Variants in PIK3CD observed in about 807,000 individuals in gnomAD.
The protein encoded by PIK3CD is phosphatidylinositol 4,5-bisphosphate 3-kinase catalytic subunit delta isoform.
A neutral mutation model predicts 122.9 loss-of-function variants in PIK3CD; 20 were observed. The observed-to-expected ratio is 0.16, with a 90% CI of 0.11 to 0.24. PIK3CD has a LOEUF of 0.24. Among genes scored for constraint, PIK3CD ranks in the 10% least tolerant of loss-of-function variants. The pLI, the probability that PIK3CD is intolerant of heterozygous loss-of-function variation, is 1.00. For missense variants in PIK3CD, 787 were observed against 1,406.3 expected (o/e 0.56, Z 7.04); for synonymous variants, 596 against 593.4 (o/e 1.00, Z -0.06).
At chr1:9,645,048 C>T in the PIK3CD span, among the ~76,000 whole-genome samples, 17 of 119,208 alleles carry the variant, frequency 1.4e-4, no homozygotes, top group South Asian at 7.5e-4. Context: ...TTTTTTGAGA[C>T]GGAGTCTTGT....
chr1:9,710,656 C>A lies in PIK3CD; in HGVS notation c.141+60C>A. On this transcript the variant is annotated intron_variant, in intron 3 of 23. Transcript: ENST00000377346. This position sits in a 1 kb window ranked among gnomAD's most constrained non-coding sequence, Gnocchi z 4.7. ...TCAGAGAGAGAGAGAGAGAGAGAGA[C>A]ACAGATAGACAGACAGACAGACAGA... 1 of 1,335,474 alleles carries A rather than the reference C, an allele frequency of 7.5e-7. No homozygotes were observed. The highest frequency in any genetic ancestry group is 1.1e-6 in the Non-Finnish European group (1 of 943,650). The allele number at this position is 1,335,474 out of a possible 1,614,324, so 82.7% of individuals were successfully genotyped here. A position where few individuals can be genotyped will look rare whatever the true frequency, so the allele number is the denominator to read the frequency against.
intron 2 of PIK3CD, 182 bp downstream of exon 2, chr1:9,691,753 G>T (rs1646205117): frequency 7.8e-6 from 3 of 383,068 alleles, no homozygotes; most frequent in Admixed American, 4.5e-5. Context: ...GCGAATGAAT[G>T]GGGAAGTGAA....
chr1:9,655,691 T>C (rs866679711), intron 1 of PIK3CD, among the ~76,000 whole-genome samples: 537 of 142,314 alleles, frequency 3.8e-3, no homozygotes, highest in South Asian at 0.022. Context: ...TTCTTTCTTT[T>C]TTCTTCTTTT....
At chr1:9,671,753 C>G (rs779778153) in intron 1 of PIK3CD, among the ~76,000 whole-genome samples, 1 of 152,146 alleles carries the variant, frequency 6.6e-6, no homozygotes, top group Non-Finnish European at 1.5e-5. Context: ...GCCTTGTCAG[C>G]GTTTTCTAGC....
the PIK3CD span, among the ~76,000 whole-genome samples, chr1:9,634,830 T>C: frequency 1.3e-5 from 2 of 152,170 alleles, no homozygotes; most frequent in Non-Finnish European, 2.9e-5. Flanking sequence ...TTTTTTTGTT[T>C]TGAATAACAA....
rs12086971 is a variant in PIK3CD, at chr1:9,718,081, C to G, written c.1020+455C>G. ...CCTCCCTGTTGTCTCTTAACACTTT[C>G]ACACGCTCCATCGCAACAGCCTGCA... On this transcript the variant is annotated intron_variant, in intron 8 of 23. Coordinates refer to ENST00000377346, the MANE Select transcript of PIK3CD (RefSeq NM_005026.5). The surrounding 1 kb of genome is among the most constrained non-coding windows in gnomAD (Gnocchi z 7.2). The G allele has an allele frequency of 1.1e-3, 505 of 469,294 alleles. 2 individuals are homozygous for G. Among genetic ancestry groups the G allele is most frequent in the African/African-American group, 9.0e-3 (458 of 50,746 alleles). 29.1% of individuals were successfully genotyped at this position (469,294 alleles called of 1,614,324 possible). A position where few individuals can be genotyped will look rare whatever the true frequency, so the allele number is the denominator to read the frequency against.
chr1:9,709,579 C>T (rs747101589), intron 2 of PIK3CD, among the ~76,000 whole-genome samples: 1 of 151,914 alleles, frequency 6.6e-6, no homozygotes, highest in Non-Finnish European at 1.5e-5. Flanking sequence ...GTGGTGTGCA[C>T]CTGTAGGCCC....
rs997085808 is a variant in PIK3CD, at chr1:9,718,237, C to T, written c.1021-457C>T. 9 of 468,368 alleles carry T rather than the reference C, an allele frequency of 1.9e-5. No homozygotes were observed. The highest frequency in any genetic ancestry group is 3.7e-4 in the Middle Eastern group (1 of 2,722). The allele number at this position is 468,368 out of a possible 1,614,324, so 29.0% of individuals were successfully genotyped here. Reference sequence around the variant, plus strand: ...AGGTCTGGGTTCCACTGGCAGGAATCGAGGGGGACTGGATCAGAGGGACTT... The same window carrying T: ...AGGTCTGGGTTCCACTGGCAGGAATTGAGGGGGACTGGATCAGAGGGACTT... On this transcript the variant is annotated intron_variant, in intron 8 of 23. Transcript: ENST00000377346. The surrounding 1 kb of genome is among the most constrained non-coding windows in gnomAD (Gnocchi z 7.2).
intron 2 of PIK3CD, among the ~76,000 whole-genome samples, chr1:9,709,185 A>G (rs1646955661): frequency 6.6e-6 from 1 of 151,942 alleles, no homozygotes; most frequent in African/African-American, 2.4e-5. Flanking sequence ...ATGTGCCACC[A>G]TGCCCGGCTA....
Position 9,723,308 on chromosome 1 carries a change from A to AG in PIK3CD, c.2594+19dup. 6.2e-7 allele frequency: 1 copy of AG among 1,613,648 alleles called. No individual in the cohort carries two copies. Among genetic ancestry groups the AG allele is most frequent in the Non-Finnish European group, 8.5e-7 (1 of 1,179,822 alleles). On this transcript the variant is annotated intron_variant, in intron 20 of 23. Transcript: ENST00000377346. The surrounding 1 kb of genome is among the most constrained non-coding windows in gnomAD (Gnocchi z 4.9). ...AGAACCCGGGGTGGGTTTCAGGCCCAGGGATAGGTTCCCTCTCCTTTCCAA... is the reference window on the plus strand; with the variant it reads ...AGAACCCGGGGTGGGTTTCAGGCCCAGGGGATAGGTTCCCTCTCCTTTCCAA...
In PIK3CD at chr1:9,728,465, T is replaced by C. The variant is rs1650032627; in HGVS notation, c.*1419T>C. The C allele has an allele frequency of 6.6e-6, 1 of 152,296 alleles. No individual in the cohort carries two copies. The highest frequency in any genetic ancestry group is 1.5e-5 in the Non-Finnish European group (1 of 68,076). 9.4% of individuals were successfully genotyped at this position (152,296 alleles called of 1,614,324 possible). Reference sequence around the variant, plus strand: ...CATGGACTCAGGACCTGCCCGGTGATGCTGTTGATTTCTCAAAGGTCTTCC... The same window carrying C: ...CATGGACTCAGGACCTGCCCGGTGACGCTGTTGATTTCTCAAAGGTCTTCC... On this transcript the variant is annotated 3_prime_UTR_variant, in exon 24 of 24. Coordinates refer to ENST00000377346, the MANE Select transcript of PIK3CD (RefSeq NM_005026.5).
chr1:9,672,527 C>T (rs1030154269), intron 1 of PIK3CD: 2 of 152,236 alleles, frequency 1.3e-5, no homozygotes, highest in African/African-American at 4.8e-5. Context: ...CTCCTGAGCT[C>T]AAGTGATCCT....
chr1:9,640,425 C>T, the PIK3CD span, among the ~76,000 whole-genome samples: 4 of 151,686 alleles, frequency 2.6e-5, no homozygotes, highest in East Asian at 5.8e-4. Context: ...CCTAAAAATA[C>T]AAAAATTAGC....
chr1:9,654,383 A>C (rs1002649600), intron 1 of PIK3CD: 1 of 1,367,676 alleles, frequency 7.3e-7, no homozygotes, highest in Admixed American at 1.9e-5. Flanking sequence ...TCCTGAGATC[A>C]CACGGGGTGC....
intron 1 of PIK3CD, among the ~76,000 whole-genome samples, chr1:9,679,483 G>A (rs1478564275): frequency 6.6e-6 from 1 of 151,938 alleles, no homozygotes; most frequent in African/African-American, 2.4e-5. Flanking sequence ...CTCACCCTTT[G>A]GCCAAGTAGG....
intron 2 of PIK3CD, among the ~76,000 whole-genome samples, chr1:9,701,556 C>G (rs780430531): frequency 6.6e-6 from 1 of 151,784 alleles, no homozygotes; most frequent in Non-Finnish European, 1.5e-5. Flanking sequence ...ACCTGTAATT[C>G]CACTTACGAG....
chr1:9,716,056 A>G lies in PIK3CD; in HGVS notation c.578A>G (p.Asn193Ser), dbSNP rs1647369891. Residue 193 changes from asparagine (N) to serine (S), a missense_variant, in exon 5 of 24, where the codon AAC becomes AGC. This residue lies in a region of PIK3CD where 592 missense variants were observed against 920.6 expected (regional missense o/e 0.64). Transcript: ENST00000377346. Reference sequence around the variant, plus strand: ...CTCCCGAACCGGGCCCTTCTGGTCAACGTTAAGTTTGAGGGCAGCGAGGTG... The same window carrying G: ...CTCCCGAACCGGGCCCTTCTGGTCAGCGTTAAGTTTGAGGGCAGCGAGGTG... ...LRLPNRALLV[N>S]VKFEGSEESF... 1 of 1,612,404 alleles carries G rather than the reference A, an allele frequency of 6.2e-7. No individual in the cohort carries two copies. The highest frequency in any genetic ancestry group is 1.3e-5 in the African/African-American group (1 of 74,932).
chr1:9,661,813 G>A (rs995535051), intron 1 of PIK3CD, among the ~76,000 whole-genome samples: 8 of 152,292 alleles, frequency 5.3e-5, no homozygotes, highest in Non-Finnish European at 1.2e-4. Context: ...TGGCTAACAC[G>A]GTGAAACCCT....
rs1647966073 is a variant in PIK3CD, at chr1:9,718,690, A to G, written c.1021-4A>G. 1 of 1,601,538 alleles carries G rather than the reference A, an allele frequency of 6.2e-7. No individual in the cohort carries two copies. The highest frequency in any genetic ancestry group is 1.7e-5 in the Admixed American group (1 of 59,856). ...CTCACCCATCATCCCGGCACCTTCT[A>G]CAGCTGGTGGTGCAGGCCGGGCTTT... On this transcript the variant is annotated splice_polypyrimidine_tract_variant and splice_region_variant and intron_variant, in intron 8 of 23. Transcript: ENST00000377346. The surrounding 1 kb of genome is among the most constrained non-coding windows in gnomAD (Gnocchi z 7.2).
Sources: gnomAD v4.1 joint callset for allele counts (sites outside exome capture counted in the v4.1 genomes callset) on GRCh38, gnomAD v4.1.1 for gene constraint, gnomAD v4.1.1 regional missense constraint, Gnocchi (gnomAD v3.1) non-coding constraint, MANE v1.5 for transcripts, NCBI Gene and HGNC (gene_info 2026-07-23, HGNC 2026-07-21) for gene names.